Variants in NLGN4X observed in about 807,000 individuals in gnomAD.
NLGN4X encodes neuroligin-4, X-linked.
Under a neutral mutation model 40.3 loss-of-function variants are expected in NLGN4X, and 3 were observed. The ratio of observed to expected loss-of-function variants is 0.07; its 90% CI spans 0.03 to 0.19. The LOEUF (loss-of-function observed/expected upper bound fraction) is 0.19. NLGN4X is among the 10% of genes least tolerant of loss of function. NLGN4X has a pLI of 1.00. For missense variants in NLGN4X, 382 were observed against 708.3 expected (o/e 0.54, Z 5.23); for synonymous variants, 270 against 306.8 (o/e 0.88, Z 1.25).
chrX:6,036,699 C>T (rs1379462840), intron 2 of NLGN4X, among the ~76,000 whole-genome samples: 3 of 110,044 alleles, frequency 2.7e-5, no homozygotes, highest in South Asian at 7.9e-4. Context: ...CTATGTCTAC[C>T]CTTCCTCAAA....
chrX:6,169,006 C>T (rs765670332), intron 1 of NLGN4X, among the ~76,000 whole-genome samples: 6 of 112,000 alleles, frequency 5.4e-5, no homozygotes, highest in South Asian at 3.8e-4. Context: ...AAAGGAAAAT[C>T]GGAAGAGGCG....
intron 3 of NLGN4X, among the ~76,000 whole-genome samples, chrX:5,989,353 T>C (rs952722119): frequency 1.2e-4 from 13 of 112,023 alleles, no homozygotes; most frequent in African/African-American, 4.2e-4. Context: ...CTTATTGTAA[T>C]TAGTGTACTG....
At chrX:6,228,088 T>C (rs111953947) in intron 1 of NLGN4X, among the ~76,000 whole-genome samples, 3,345 of 110,599 alleles carry the variant, frequency 0.03, 84 homozygotes, top group Admixed American at 0.12. Flanking sequence ...GTACTGCAGA[T>C]ACATATATAT....
chrX:6,082,946 GCGTTTTTTTCTTTTTTTT>G (rs1404349457), intron 2 of NLGN4X, among the ~76,000 whole-genome samples: 4 of 69,524 alleles, frequency 5.8e-5, no homozygotes, highest in African/African-American at 1.7e-4. Context: ...TTGCCATGAT[GCGTTTTTTTCTTTTTTTT>G]TTTTTTTTTT....
intron 2 of NLGN4X, among the ~76,000 whole-genome samples, chrX:6,128,218 A>G: frequency 9.0e-6 from 1 of 111,715 alleles, no homozygotes; most frequent in Non-Finnish European, 1.9e-5. Flanking sequence ...AGGCTGGGAC[A>G]GACTGAGGCA....
intron 4 of NLGN4X, 23 bp downstream of exon 4, chrX:5,909,031 C>T: frequency 8.3e-7 from 1 of 1,209,664 alleles, no homozygotes. Context: ...TTTGCCCGCC[C>T]ACCCTGGGGG....
chrX:5,936,567 C>T (rs767479991), intron 3 of NLGN4X, among the ~76,000 whole-genome samples: 1 of 111,697 alleles, frequency 9.0e-6, no homozygotes, highest in Non-Finnish European at 1.9e-5. Context: ...CAGGAATGAA[C>T]ACGTGGGAGT....
rs753360692 is a variant in NLGN4X, at chrX:6,043,252, G to A, written c.473-13820C>T. ...ACAATATTTCAAGAGGTAACTTAGG[G>A]CAAATAAAAGTCAATTTTATTTTCA... is the stretch of plus-strand genomic sequence containing the variant. On this transcript the variant is annotated intron_variant, in intron 2 of 5. Coordinates refer to ENST00000381095, the MANE Select transcript of NLGN4X (RefSeq NM_181332.3). Among the ~76,000 whole-genome samples the A allele has an allele frequency of 4.6e-5, 5 of 108,012 alleles. No homozygotes were observed. The East Asian group carries it at 1.5e-3, about 32-fold the overall frequency. The allele number at this position is 108,012 out of a possible 115,157, so 93.8% of individuals were successfully genotyped here. A position where few individuals can be genotyped will look rare whatever the true frequency, so the allele number is the denominator to read the frequency against.
intron 4 of NLGN4X, among the ~76,000 whole-genome samples, chrX:5,908,642 C>T (rs190352208): frequency 8.3e-4 from 93 of 112,250 alleles, no homozygotes; most frequent in Non-Finnish European, 1.2e-3. Flanking sequence ...AGCATGGTGG[C>T]TCACATCTGT....
At chrX:6,040,223 G>A (rs1230134729) in intron 2 of NLGN4X, among the ~76,000 whole-genome samples, 1 of 111,641 alleles carries the variant, frequency 9.0e-6, no homozygotes, top group Non-Finnish European at 1.9e-5. Context: ...ACAGGTGTGA[G>A]CCACTGTGTC....
At chrX:5,895,636 T>C (rs2031447240) in intron 5 of NLGN4X, among the ~76,000 whole-genome samples, 2 of 111,113 alleles carry the variant, frequency 1.8e-5, no homozygotes, top group Admixed American at 1.9e-4. Context: ...TCTATAGATA[T>C]AGATATTAGA....
At chrX:5,994,099 G>A (rs762794677) in intron 3 of NLGN4X, among the ~76,000 whole-genome samples, 3 of 111,623 alleles carry the variant, frequency 2.7e-5, no homozygotes, top group African/African-American at 6.5e-5. Flanking sequence ...CTCACTGAAT[G>A]GTTGTCCTGT....
At chrX:5,968,401 A>G (rs1317089451) in intron 3 of NLGN4X, among the ~76,000 whole-genome samples, 1 of 75,905 alleles carries the variant, frequency 1.3e-5, no homozygotes, top group African/African-American at 5.5e-5. Context: ...GTTGCTACCA[A>G]TTGGATCTAG....
intron 3 of NLGN4X, among the ~76,000 whole-genome samples, chrX:5,925,107 C>T (rs2033222323): frequency 8.9e-6 from 1 of 111,858 alleles, no homozygotes; most frequent in Non-Finnish European, 1.9e-5. Context: ...CTTCTCCTGG[C>T]CCCAAACTGC....
At chrX:5,928,915 G>A (rs1033754724) in intron 3 of NLGN4X, among the ~76,000 whole-genome samples, 1 of 108,434 alleles carries the variant, frequency 9.2e-6, no homozygotes, top group East Asian at 2.9e-4. Context: ...GAACTCCTGG[G>A]CTCAAGTGAT....
intron 1 of NLGN4X, among the ~76,000 whole-genome samples, chrX:6,222,369 G>A (rs1925790813): frequency 9.0e-6 from 1 of 111,296 alleles, no homozygotes; most frequent in East Asian, 2.8e-4. Flanking sequence ...AACAGGTGGA[G>A]CTAAGAAAGT....
chrX:6,101,862 T>G (rs2038915970), intron 2 of NLGN4X, among the ~76,000 whole-genome samples: 1 of 107,418 alleles, frequency 9.3e-6, no homozygotes, highest in East Asian at 2.9e-4. Context: ...CAGGCTGGAG[T>G]GCAGTGGCAT....
At chrX:5,937,631 C>T (rs767874140) in intron 3 of NLGN4X, among the ~76,000 whole-genome samples, 1 of 111,415 alleles carries the variant, frequency 9.0e-6, no homozygotes, top group East Asian at 2.8e-4. Flanking sequence ...TCAGGGATTC[C>T]AGAAGCAGGG....
intron 2 of NLGN4X, among the ~76,000 whole-genome samples, chrX:6,067,112 C>T (rs183267040): frequency 1.8e-5 from 2 of 109,314 alleles, no homozygotes; most frequent in African/African-American, 6.7e-5. Flanking sequence ...CAGTCCCCCC[C>T]CCAAAACAAA....
Sources: allele counts gnomAD v4.1 joint callset (sites outside exome capture counted in the v4.1 genomes callset), GRCh38; gene constraint gnomAD v4.1.1; transcripts MANE v1.5; gene names NCBI Gene and HGNC (gene_info 2026-07-23, HGNC 2026-07-21).